The following ADAMTSL1 variants were observed in gnomAD, a reference collection of about 807,000 sequenced individuals.
ADAMTSL1 encodes the protein ADAMTS-like protein 1.
ADAMTSL1 carries 126 observed loss-of-function variants against 201.8 expected under a neutral mutation model. The observed-to-expected ratio is 0.62, with a 90% CI of 0.54 to 0.72. The LOEUF (loss-of-function observed/expected upper bound fraction) is 0.72. Ranked by LOEUF, ADAMTSL1 falls within the 30% of genes least tolerant of loss-of-function variation. The pLI is 0.00. For missense variants in ADAMTSL1, 2,679 were observed against 2,277.8 expected (o/e 1.18, Z -3.59); for synonymous variants, 1,121 against 903.4 (o/e 1.24, Z -4.32).
rs1177777251 is a variant in ADAMTSL1 at position 18,721,633 on chromosome 9, G to A, written c.1974G>A (p.Leu658=). 1 of 1,613,972 alleles carries A rather than the reference G, an allele frequency of 6.2e-7. No homozygotes were observed. The highest frequency in any genetic ancestry group is 1.1e-5 in the South Asian group (1 of 91,082). The change falls in exon 15 of 29, where the codon CTG becomes CTA. Residue 658 remains leucine (L), a synonymous_variant. Transcript: ENST00000380548. ...CVTSRRPPQL[L]KSCNLDPCPA... is the part of the protein sequence containing the mutation. ...CCAGCCGCCGGCCCCCACAGCTCCTGAAGTCCTGCAATTTGGATCCCTGCC... is the reference window on the plus strand; with the variant it reads ...CCAGCCGCCGGCCCCCACAGCTCCTAAAGTCCTGCAATTTGGATCCCTGCC...
intron 2 of ADAMTSL1, among the ~76,000 whole-genome samples, chr9:18,464,837 G>T (rs770801575): frequency 3.3e-5 from 5 of 152,160 alleles, no homozygotes; most frequent in Non-Finnish European, 7.4e-5. Flanking sequence ...AAAATCAAGA[G>T]AGAAAGGGTG....
intron 1 of ADAMTSL1, among the ~76,000 whole-genome samples, chr9:18,138,324 T>C (rs1361124170): frequency 2.0e-5 from 3 of 152,216 alleles, no homozygotes; most frequent in Non-Finnish European, 4.4e-5. Flanking sequence ...ATATCTTGCA[T>C]GTGTTTTTTC....
chr9:18,470,584 C>G (rs1280511382), upstream of ADAMTSL1, among the ~76,000 whole-genome samples: 2 of 152,108 alleles, frequency 1.3e-5, no homozygotes, highest in East Asian at 3.9e-4. Context: ...GACCCTGTGT[C>G]CCCTATACAC....
At chr9:18,872,929 A>G (rs1295501422) in intron 23 of ADAMTSL1, among the ~76,000 whole-genome samples, 1 of 152,182 alleles carries the variant, frequency 6.6e-6, no homozygotes, top group African/African-American at 2.4e-5. Flanking sequence ...TGTTTTCCAT[A>G]GTTCCACCAG....
intron 2 of ADAMTSL1, among the ~76,000 whole-genome samples, chr9:18,379,627 C>G (rs1837463803): frequency 6.6e-6 from 1 of 152,106 alleles, no homozygotes; most frequent in African/African-American, 2.4e-5. Context: ...GGAGAGGAAG[C>G]TGATTGGGCT....
intron 7 of ADAMTSL1, among the ~76,000 whole-genome samples, chr9:18,646,997 T>C (rs79948801): frequency 0.17 from 25,667 of 151,924 alleles, 2,344 homozygotes; most frequent in Middle Eastern, 0.23. Context: ...TGGTAAAATT[T>C]GGCTGTGAAT....
At chr9:18,553,366 T>A (rs899717827) in intron 3 of ADAMTSL1, among the ~76,000 whole-genome samples, 11 of 151,700 alleles carry the variant, frequency 7.3e-5, no homozygotes, top group Admixed American at 4.6e-4. Context: ...AATTCATGTC[T>A]CTTCAAACAC....
chr9:18,008,923 T>C (rs1432257613), intron 1 of ADAMTSL1, among the ~76,000 whole-genome samples: 1 of 152,018 alleles, frequency 6.6e-6, no homozygotes, highest in Admixed American at 6.6e-5. Context: ...GATCATTAGA[T>C]CGTTTGTCTA....
chr9:18,043,274 C>A (rs576606574), intron 1 of ADAMTSL1, among the ~76,000 whole-genome samples: 1 of 152,134 alleles, frequency 6.6e-6, no homozygotes, highest in Non-Finnish European at 1.5e-5. Flanking sequence ...AACTACTAGG[C>A]CAGAATACTC....
At chr9:18,110,700 T>C (rs1025450014) in intron 1 of ADAMTSL1, among the ~76,000 whole-genome samples, 1 of 152,174 alleles carries the variant, frequency 6.6e-6, no homozygotes, top group Non-Finnish European at 1.5e-5. Context: ...TAAGTGGCAA[T>C]GGCCCTTTAT....
intron 22 of ADAMTSL1, among the ~76,000 whole-genome samples, chr9:18,828,036 C>T (rs944482370): frequency 2.0e-5 from 3 of 152,162 alleles, no homozygotes; most frequent in East Asian, 1.9e-4. Flanking sequence ...CCCCAAGTTC[C>T]GTGACTTAAC....
At chr9:18,134,834 CA>C (rs1187758748) in intron 1 of ADAMTSL1, among the ~76,000 whole-genome samples, 1 of 152,164 alleles carries the variant, frequency 6.6e-6, no homozygotes, top group Non-Finnish European at 1.5e-5. Context: ...CTTCCTTTAG[CA>C]CAGACAATAA....
At chr9:18,073,624 C>G (rs776787244) in intron 1 of ADAMTSL1, among the ~76,000 whole-genome samples, 10 of 152,146 alleles carry the variant, frequency 6.6e-5, no homozygotes, top group Non-Finnish European at 1.5e-4. Context: ...AATATGAACA[C>G]TTTCACGTAT....
chr9:18,533,078 T>A (rs1487249802), intron 2 of ADAMTSL1, among the ~76,000 whole-genome samples, 169 bp from the exon 3 acceptor site: 2 of 152,212 alleles, frequency 1.3e-5, no homozygotes, highest in Middle Eastern at 3.4e-3. Context: ...CATCTATAAC[T>A]TCTTTAAATC....
At chr9:18,628,015 G>C (rs566246904) in intron 5 of ADAMTSL1, among the ~76,000 whole-genome samples, 1 of 152,230 alleles carries the variant, frequency 6.6e-6, no homozygotes, top group African/African-American at 2.4e-5. Flanking sequence ...TGGGATATTT[G>C]AATTGGAAAT....
At chr9:18,038,140 C>G (rs116131046) in intron 1 of ADAMTSL1, among the ~76,000 whole-genome samples, 465 of 152,278 alleles carry the variant, frequency 3.1e-3, no homozygotes, top group African/African-American at 0.01. Flanking sequence ...TTATGTGTGT[C>G]TTTCACTGAA....
chr9:17,926,345 A>C (rs1826527551), intron 1 of ADAMTSL1, among the ~76,000 whole-genome samples: 1 of 152,186 alleles, frequency 6.6e-6, no homozygotes, highest in Non-Finnish European at 1.5e-5. Context: ...TGTAATAGCA[A>C]ATAACCCCCA....
chr9:18,573,928 G>A, intron 3 of ADAMTSL1, 102 bp from the exon 4 acceptor site: 4 of 835,750 alleles, frequency 4.8e-6, no homozygotes, highest in Non-Finnish European at 7.6e-6. Flanking sequence ...CAGGACATTT[G>A]TTTTGCTTTC....
rs530480746 is a variant in ADAMTSL1, at chr9:18,712,767, C to T, written c.1876+5719C>T. ...CAGAGAACGCCACAAAGATACTCCT[C>T]GAGAAGAATAACTCCAAGACACATA... On this transcript the variant is annotated intron_variant, in intron 14 of 28. Coordinates refer to ENST00000380548, the MANE Select transcript of ADAMTSL1 (RefSeq NM_001040272.6). Among the ~76,000 whole-genome samples the T allele has an allele frequency of 2.3e-3, 348 of 151,992 alleles. 2 individuals are homozygous for T. The highest frequency in any genetic ancestry group is 7.9e-3 in the African/African-American group (327 of 41,438).
Sources: gnomAD v4.1 joint callset for allele counts (sites outside exome capture counted in the v4.1 genomes callset) on GRCh38, gnomAD v4.1.1 for gene constraint, MANE v1.5 for transcripts, NCBI Gene and HGNC (gene_info 2026-07-23, HGNC 2026-07-21) for gene names.